CDK5RAP2: variants seen among roughly 807,000 people sequenced by gnomAD.
CDK5RAP2 encodes CDK5 regulatory subunit-associated protein 2.
CDK5RAP2 carries 147 observed loss-of-function variants against 232.9 expected under a neutral mutation model. The ratio of observed to expected loss-of-function variants is 0.63; its 90% CI spans 0.55 to 0.72. The LOEUF (loss-of-function observed/expected upper bound fraction) is 0.72, where lower values mean the gene tolerates loss of function less well. CDK5RAP2 is among the 30% of genes least tolerant of loss of function. The probability of loss-of-function intolerance (pLI) is 0.00; values close to 1 mark genes in which losing one functional copy is unlikely to be tolerated. For synonymous variants in CDK5RAP2, 833 were observed against 833.7 expected (o/e 1.00, Z 0.01); for missense variants, 2,195 against 2,231.5 (o/e 0.98, Z 0.33).
intron 4 of CDK5RAP2, among the ~76,000 whole-genome samples, chr9:120,546,101 G>C (rs2041830800): frequency 6.6e-6 from 1 of 152,194 alleles, no homozygotes; most frequent in Non-Finnish European, 1.5e-5. Context: ...TTTAAAAATT[G>C]TATGCCCTCC....
chr9:120,498,038 A>AAAAGAACCTGCTCTCCGT (rs1407752801), intron 12 of CDK5RAP2, among the ~76,000 whole-genome samples: 5 of 152,178 alleles, frequency 3.3e-5, no homozygotes, highest in Non-Finnish European at 5.9e-5. Context: ...ATCTTGAGTT[A>AAAAGAACCTGCTCTCCGT]AAAGAACCTG....
Position 120,529,996 on chromosome 9 carries a change from T to C in CDK5RAP2, c.807A>G (p.Glu269=), listed in dbSNP as rs532314816. The C allele has an allele frequency of 1.9e-6, 3 of 1,613,942 alleles. No individual in the cohort carries two copies. The highest frequency in any genetic ancestry group is 2.7e-5 in the African/African-American group (2 of 75,026). ...ACCTCACCTCAGTTTCTCTCTCCTT[T>C]TCTTCCCTTGGAGCAGCACAAAGTC... ...LRGLCAAPRE[E]KERETEAAQM... Residue 269 remains glutamate (E), a synonymous_variant, in exon 8 of 38, where the codon GAA becomes GAG. Transcript: ENST00000349780.
At chr9:120,460,018 C>T (rs1588396954) in intron 19 of CDK5RAP2, among the ~76,000 whole-genome samples, 2 of 152,234 alleles carry the variant, frequency 1.3e-5, no homozygotes, top group South Asian at 4.2e-4. Flanking sequence ...TGGAAGAGTG[C>T]TCTATGTGTA....
intron 25 of CDK5RAP2, among the ~76,000 whole-genome samples, chr9:120,432,011 G>A (rs1201965435): frequency 2.0e-5 from 3 of 152,182 alleles, no homozygotes; most frequent in African/African-American, 7.2e-5. Context: ...CCAAGGGAGA[G>A]TCCCCTTATA....
chr9:120,571,171 G>C (rs1246441957), intron 2 of CDK5RAP2, among the ~76,000 whole-genome samples: 3 of 152,102 alleles, frequency 2.0e-5, no homozygotes, highest in Non-Finnish European at 4.4e-5. Flanking sequence ...AAAATAAAAA[G>C]TAAAAATAAA....
chr9:120,549,018 G>A (rs1016174560), intron 4 of CDK5RAP2, among the ~76,000 whole-genome samples: 5 of 152,106 alleles, frequency 3.3e-5, no homozygotes, highest in South Asian at 2.1e-4. Flanking sequence ...TTAGCCAGGC[G>A]TGCTGGCGTG....
intron 14 of CDK5RAP2, among the ~76,000 whole-genome samples, chr9:120,479,140 T>C (rs563413834): frequency 2.8e-4 from 42 of 152,304 alleles, no homozygotes; most frequent in African/African-American, 9.9e-4. Context: ...TATAACCCAC[T>C]GATAATAACT....
chr9:120,501,318 C>A (rs537869304), intron 12 of CDK5RAP2, among the ~76,000 whole-genome samples: 8 of 152,330 alleles, frequency 5.3e-5, no homozygotes, highest in African/African-American at 9.6e-5. Context: ...TCAGACCAGT[C>A]TTCCCTGACC....
At chr9:120,556,521 C>T (rs1257660259) in intron 3 of CDK5RAP2, among the ~76,000 whole-genome samples, 6 of 151,956 alleles carry the variant, frequency 3.9e-5, no homozygotes, top group African/African-American at 9.7e-5. Context: ...CTCCGCCTCC[C>T]GGGTTCAAGC....
rs2042866862 is a variant in CDK5RAP2, at chr9:120,571,870, G to A, written c.127+104C>T. The A allele has an allele frequency of 4.5e-6, 4 of 881,234 alleles. No homozygotes were observed. The Admixed American group carries it at 7.4e-5, about 16-fold the overall frequency. 54.6% of individuals were successfully genotyped at this position (881,234 alleles called of 1,614,324 possible). A position where few individuals can be genotyped will look rare whatever the true frequency, so the allele number is the denominator to read the frequency against. ...GAGCACCTACGGTGTGCCAGTTCAG[G>A]GAAGCCTCTGGGCCCCAGAGATATG... On this transcript the variant is annotated intron_variant, in intron 2 of 37. Transcript: ENST00000349780.
intron 25 of CDK5RAP2, among the ~76,000 whole-genome samples, chr9:120,427,232 T>A (rs949193044): frequency 1.3e-5 from 2 of 152,064 alleles, no homozygotes; most frequent in Non-Finnish European, 2.9e-5. Context: ...GGACCACACA[T>A]AAAATACACT....
chr9:120,450,068 T>C (rs1001680094), intron 21 of CDK5RAP2, among the ~76,000 whole-genome samples: 1 of 152,188 alleles, frequency 6.6e-6, no homozygotes, highest in Non-Finnish European at 1.5e-5. Flanking sequence ...TGTACATGAA[T>C]AGCAACATTA....
In CDK5RAP2 at chr9:120,400,917, A is replaced by C. The variant is rs1212946611; in HGVS notation, c.5308-32T>G. ...GGGGGATATGAAGGCTGTTACGTGCAGTCTTGAAAAAGATTTTAGACAAGC... is the reference window on the plus strand; with the variant it reads ...GGGGGATATGAAGGCTGTTACGTGCCGTCTTGAAAAAGATTTTAGACAAGC... On this transcript the variant is annotated intron_variant, in intron 34 of 37. Transcript: ENST00000349780. The C allele has an allele frequency of 2.5e-6, 4 of 1,613,666 alleles. No individual in the cohort carries two copies. In the African/African-American group the frequency reaches 5.3e-5, roughly 22 times the overall value.
At chr9:120,564,720 AT>A (rs759840481) in intron 3 of CDK5RAP2, among the ~76,000 whole-genome samples, 6 of 152,198 alleles carry the variant, frequency 3.9e-5, no homozygotes, top group Admixed American at 1.3e-4. Context: ...TATCCATGTC[AT>A]TCCCTGTCAA....
chr9:120,579,676 T>C (rs187674811), intron 1 of CDK5RAP2, among the ~76,000 whole-genome samples: 14 of 152,196 alleles, frequency 9.2e-5, no homozygotes, highest in African/African-American at 3.4e-4. Context: ...TCCTTACCTG[T>C]TCTTCACACG....
rs572526339 is a variant in CDK5RAP2, at chr9:120,558,572, T to G, written c.196-7670A>C. On this transcript the variant is annotated intron_variant, in intron 3 of 37. Transcript: ENST00000349780. The stretch of plus-strand genomic sequence containing the variant: ...GTATCATCTGGCCCCTGTCCACCTC[T>G]CCAACCACATCAGGTATCATCTTCT... 2.0e-5 allele frequency among the ~76,000 whole-genome samples: 3 copies of G among 152,102 alleles called. No individual in the cohort carries two copies. The South Asian group carries it at 6.2e-4, about 32-fold the overall frequency.
chr9:120,514,527 T>C (rs905362102), intron 12 of CDK5RAP2, among the ~76,000 whole-genome samples: 8 of 152,156 alleles, frequency 5.3e-5, no homozygotes, highest in African/African-American at 1.9e-4. Context: ...ATCGGGAAGA[T>C]GTGATCCCAG....
chr9:120,433,017 A>AC (rs1564208258), intron 25 of CDK5RAP2, among the ~76,000 whole-genome samples: 1 of 152,132 alleles, frequency 6.6e-6, no homozygotes, highest in Admixed American at 6.5e-5. Context: ...ACTCCTATAT[A>AC]CCCTGGTCCT....
At chr9:120,406,215 G>C (rs2033424638) in intron 32 of CDK5RAP2, 1 of 152,178 alleles carries the variant, frequency 6.6e-6, no homozygotes, top group South Asian at 2.1e-4. Flanking sequence ...TGTAAAGCAG[G>C]CTGGCATTCC....
Sources: gnomAD v4.1 joint callset for allele counts (sites outside exome capture counted in the v4.1 genomes callset) on GRCh38, gnomAD v4.1.1 for gene constraint, MANE v1.5 for transcripts, NCBI Gene and HGNC (gene_info 2026-07-23, HGNC 2026-07-21) for gene names.